GULP1: variants seen among roughly 807,000 people sequenced by gnomAD.
The protein encoded by GULP1 is PTB domain-containing engulfment adapter protein 1.
Under a neutral mutation model 40.9 loss-of-function variants are expected in GULP1, and 19 were observed. The ratio of observed to expected loss-of-function variants is 0.46; its 90% CI spans 0.32 to 0.68. The LOEUF is 0.68. GULP1 is among the 30% of genes least tolerant of loss of function. GULP1 has a pLI of 0.03. For synonymous variants in GULP1, 119 were observed against 117.6 expected, an observed-to-expected ratio of 1.01 and a Z score of -0.08; for missense variants, 312 against 362.2, an observed-to-expected ratio of 0.86 and a Z score of 1.12.
At chr2:188,402,125 A>G (rs1044600265) in intron 2 of GULP1, among the ~76,000 whole-genome samples, 3 of 152,130 alleles carry the variant, frequency 2.0e-5, no homozygotes, top group African/African-American at 7.2e-5. Flanking sequence ...TGCGTTTAAA[A>G]CACTCACATC....
At chr2:188,367,876 A>G (rs563702690) in intron 1 of GULP1, among the ~76,000 whole-genome samples, 10 of 152,274 alleles carry the variant, frequency 6.6e-5, no homozygotes, top group East Asian at 3.9e-4. Flanking sequence ...TTTTGACTGT[A>G]GGATGGGTGG....
intron 2 of GULP1, among the ~76,000 whole-genome samples, chr2:188,434,692 T>C (rs969092612): frequency 1.3e-5 from 2 of 151,786 alleles, no homozygotes; most frequent in Non-Finnish European, 2.9e-5. Flanking sequence ...TTACTTACTT[T>C]CCTTATTTTT....
chr2:188,543,624 GT>G (rs1406176628), intron 7 of GULP1, among the ~76,000 whole-genome samples: 2 of 152,128 alleles, frequency 1.3e-5, no homozygotes, highest in Admixed American at 6.6e-5. Context: ...TGGGAAATAA[GT>G]TATGGCCTAT....
At chr2:188,517,115 A>G (rs766789617) in intron 4 of GULP1, among the ~76,000 whole-genome samples, 1 of 151,932 alleles carries the variant, frequency 6.6e-6, no homozygotes, top group Non-Finnish European at 1.5e-5. Context: ...TTAATAAAAC[A>G]TTATTTTTTT....
chr2:188,528,976 C>A, intron 5 of GULP1, 121 bp from the exon 6 acceptor site: 1 of 575,138 alleles, frequency 1.7e-6, no homozygotes, highest in East Asian at 3.2e-5. Flanking sequence ...ATGCTTTATA[C>A]TTGGCAAAAA....
intron 4 of GULP1, among the ~76,000 whole-genome samples, chr2:188,487,701 T>G (rs901258389): frequency 6.6e-6 from 1 of 151,988 alleles, no homozygotes. Flanking sequence ...GAAAACTACA[T>G]AGCTAATCAA....
intron 4 of GULP1, among the ~76,000 whole-genome samples, chr2:188,497,746 C>G (rs138410171): frequency 1.3e-5 from 2 of 151,768 alleles, no homozygotes; most frequent in Admixed American, 1.3e-4. Flanking sequence ...AGCTGATAGT[C>G]GAAAGAACAG....
intron 6 of GULP1, among the ~76,000 whole-genome samples, chr2:188,530,462 GC>G (rs751143144): frequency 3.3e-5 from 5 of 152,088 alleles, no homozygotes; most frequent in Admixed American, 6.6e-5. Flanking sequence ...CTGTGTTCAT[GC>G]CCTAACCCCT....
intron 2 of GULP1, among the ~76,000 whole-genome samples, chr2:188,411,281 A>AATC (rs71399279): frequency 0.22 from 32,979 of 151,922 alleles, 3,737 homozygotes; most frequent in African/African-American, 0.27. Context: ...GGTCCAGTAA[A>AATC]AACCTGTCAC....
chr2:188,383,018 C>T (rs1348561908), intron 1 of GULP1, among the ~76,000 whole-genome samples: 1 of 152,118 alleles, frequency 6.6e-6, no homozygotes, highest in African/African-American at 2.4e-5. Flanking sequence ...GGAAGCAGGG[C>T]ACAAGACTTA....
rs185733940 is a variant in GULP1 at position 188,514,953 on chromosome 2, T to C, written c.91-7803T>C. On this transcript the variant is annotated intron_variant, in intron 4 of 11. Coordinates refer to ENST00000409830, the MANE Select transcript of GULP1 (RefSeq NM_016315.4). Reference sequence around the variant, plus strand: ...TACCATTGTTTAAGAATCCACTCATTGCAGGACAATTAGATTGTTTCTGAT... The same window carrying C: ...TACCATTGTTTAAGAATCCACTCATCGCAGGACAATTAGATTGTTTCTGAT... Among the ~76,000 whole-genome samples the C allele has an allele frequency of 1.5e-4, 23 of 152,336 alleles. 1 individual carries two copies. The East Asian group carries it at 3.5e-3, about 23-fold the overall frequency.
chr2:188,506,347 T>C (rs914866172), intron 4 of GULP1, among the ~76,000 whole-genome samples: 1 of 151,904 alleles, frequency 6.6e-6, no homozygotes, highest in Admixed American at 6.6e-5. Flanking sequence ...TTATATAATT[T>C]CAAATCAGTA....
Position 188,587,981 on chromosome 2 carries a change from A to T in GULP1, c.843+32A>T, listed in dbSNP as rs1257679469. 4 of 1,036,930 alleles carry T rather than the reference A, an allele frequency of 3.9e-6. No homozygotes were observed. In the Admixed American group the frequency reaches 6.8e-5, roughly 18 times the overall value. 64.2% of individuals were successfully genotyped at this position (1,036,930 alleles called of 1,614,324 possible). On this transcript the variant is annotated intron_variant, in intron 11 of 11. Coordinates refer to ENST00000409830, the MANE Select transcript of GULP1 (RefSeq NM_016315.4). ...ATTTTGATAGACTGGCCCATAAATG[A>T]TTTATTTCATTTTGATATGGGACAA...
At chr2:188,522,952 A>G (rs570960039) in intron 5 of GULP1, 125 bp downstream of exon 5, 7 of 597,894 alleles carry the variant, frequency 1.2e-5, no homozygotes, top group East Asian at 2.8e-5. Flanking sequence ...AAAATGAACT[A>G]TTGAACAAAT....
chr2:188,469,766 T>C (rs1257136102), intron 2 of GULP1, among the ~76,000 whole-genome samples: 1 of 152,168 alleles, frequency 6.6e-6, no homozygotes, highest in Non-Finnish European at 1.5e-5. Flanking sequence ...TCATGAAAGA[T>C]GTTGAATTTT....
At chr2:188,305,775 A>G (rs1252043771) in intron 1 of GULP1, among the ~76,000 whole-genome samples, 2 of 151,994 alleles carry the variant, frequency 1.3e-5, no homozygotes, top group Non-Finnish European at 2.9e-5. Flanking sequence ...TTCTTTTTAA[A>G]AAGATTTTCA....
intron 7 of GULP1, among the ~76,000 whole-genome samples, chr2:188,564,414 T>A (rs2153420262): frequency 6.6e-6 from 1 of 151,780 alleles, no homozygotes. Context: ...AGCTTACAAA[T>A]CAATGTACAA....
At chr2:188,582,303 C>T in intron 9 of GULP1, 1 of 461,222 alleles carries the variant, frequency 2.2e-6, no homozygotes, top group Non-Finnish European at 4.5e-6. Flanking sequence ...CCATGCCTGC[C>T]CTCTTAGGAT....
chr2:188,417,343 T>C (rs950554065), intron 2 of GULP1, among the ~76,000 whole-genome samples: 1 of 152,194 alleles, frequency 6.6e-6, no homozygotes, highest in Non-Finnish European at 1.5e-5. Flanking sequence ...TACCCCAAAG[T>C]TTCTTTGTCA....
Sources: allele counts gnomAD v4.1 joint callset (sites outside exome capture counted in the v4.1 genomes callset), GRCh38; gene constraint gnomAD v4.1.1; transcripts MANE v1.5; gene names NCBI Gene and HGNC (gene_info 2026-07-23, HGNC 2026-07-21).